Variants in GTF3C4 observed in about 807,000 individuals in gnomAD.
The protein encoded by GTF3C4 is general transcription factor IIIC subunit 4.
In GTF3C4, 28 loss-of-function variants were observed where a neutral mutation model predicts 67.5. That is an observed-to-expected ratio of 0.41 (90% CI 0.31 to 0.57). The LOEUF is 0.57. Ranked by LOEUF, GTF3C4 falls within the 20% of genes least tolerant of loss-of-function variation. The pLI, the probability that GTF3C4 is intolerant of heterozygous loss-of-function variation, is 0.21. For synonymous variants in GTF3C4, 409 were observed against 393.0 expected (o/e 1.04, Z -0.48); for missense variants, 831 against 1,033.2 (o/e 0.80, Z 2.68).
At chr9:132,676,638 A>G (rs1835868935) in intron 1 of GTF3C4, among the ~76,000 whole-genome samples, 1 of 150,054 alleles carries the variant, frequency 6.7e-6, no homozygotes, top group Admixed American at 6.7e-5. Flanking sequence ...ATATTTTTTA[A>G]CTCTTTGTTG....
intron 3 of GTF3C4, among the ~76,000 whole-genome samples, chr9:132,686,404 G>A (rs1212019478): frequency 6.6e-6 from 1 of 150,958 alleles, no homozygotes; most frequent in African/African-American, 2.4e-5. Context: ...CTCAAGGTGT[G>A]CCTGCCTGGA....
Position 132,677,974 on chromosome 9 carries a change from C to T in GTF3C4, c.358-3C>T. On this transcript the variant is annotated splice_region_variant and splice_polypyrimidine_tract_variant and intron_variant, in intron 1 of 4. Coordinates refer to ENST00000372146, the MANE Select transcript of GTF3C4 (RefSeq NM_012204.4). ...TGATAGTTTTTATATCTCTTATTTT[C>T]AGGTTGGCTCAAAAACAGAAGTTGC... The T allele has an allele frequency of 1.3e-6, 2 of 1,583,010 alleles. No individual in the cohort carries two copies. The highest frequency in any genetic ancestry group is 1.7e-6 in the Non-Finnish European group (2 of 1,167,236).
At chr9:132,673,988 G>A (rs185468334) in intron 1 of GTF3C4, among the ~76,000 whole-genome samples, 4 of 152,244 alleles carry the variant, frequency 2.6e-5, no homozygotes, top group South Asian at 4.1e-4. Context: ...TTTGTGTACC[G>A]AATTGTATTG....
Position 132,678,560 on chromosome 9 carries a change from G to A in GTF3C4, c.941G>A (p.Ser314Asn), listed in dbSNP as rs1248189045. 1.1e-5 allele frequency: 18 copies of A among 1,614,068 alleles called. No homozygotes were observed. The highest frequency in any genetic ancestry group is 1.6e-4 in the Middle Eastern group (1 of 6,084). ...NTIESGITSPSVLFWWEYEHN... is the reference protein window; with the variant it reads ...NTIESGITSPNVLFWWEYEHN... ...ATTGAGTCAGGAATCACCTCTCCCA[G>A]TGTATTGTTTTGGTGGGAATATGAG... is the stretch of plus-strand genomic sequence containing the variant. The change falls in exon 2 of 5, where the codon AGT (serine) becomes AAT (asparagine). Residue 314 changes from serine (S) to asparagine (N), a missense_variant. By Grantham distance (46) the Ser-to-Asn change is conservative. Around this residue, in one of 4 missense-constraint regions of GTF3C4, gnomAD observed 390 missense variants for 540.3 expected, o/e 0.72. Transcript: ENST00000372146. This position sits in a 1 kb window ranked among gnomAD's most constrained non-coding sequence, Gnocchi z 6.5.
At chr9:132,671,097 A>C (rs1835734552) in intron 1 of GTF3C4, 142 bp downstream of exon 1, 7 of 662,102 alleles carry the variant, frequency 1.1e-5, no homozygotes, top group South Asian at 1.0e-4. Flanking sequence ...TTAAGCAGCC[A>C]GGGTTACCAC....
rs770436516 is a variant in GTF3C4 at position 132,692,680 on chromosome 9, G to A, written c.*3735G>A. ...ATGCTCTTTCACTGCTCTTCTGTGCGTTGGAGTTTAGCAATTCAGTGAGAC... is the reference window on the plus strand; with the variant it reads ...ATGCTCTTTCACTGCTCTTCTGTGCATTGGAGTTTAGCAATTCAGTGAGAC... On this transcript the variant is annotated 3_prime_UTR_variant, in exon 5 of 5. Transcript: ENST00000372146. 5.3e-5 allele frequency: 8 copies of A among 152,278 alleles called. No individual in the cohort carries two copies. The East Asian group carries it at 7.7e-4, about 15-fold the overall frequency. The allele number at this position is 152,278 out of a possible 1,614,324, so 9.4% of individuals were successfully genotyped here.
rs1317585906 is a variant in GTF3C4 at position 132,694,240 on chromosome 9, G to A, written c.*5295G>A. On this transcript the variant is annotated 3_prime_UTR_variant, in exon 5 of 5. Coordinates refer to ENST00000372146, the MANE Select transcript of GTF3C4 (RefSeq NM_012204.4). ...TTACTAGATTGTAAGCTCCTCAAGG[G>A]CAGGAATTGTTTTATCTTTGTTGTT... is the stretch of plus-strand genomic sequence containing the variant. 3 of 152,156 alleles carry A rather than the reference G, an allele frequency of 2.0e-5. No homozygotes were observed. The allele number at this position is 152,156 out of a possible 1,614,324, so 9.4% of individuals were successfully genotyped here. A position where few individuals can be genotyped will look rare whatever the true frequency, so the allele number is the denominator to read the frequency against.
Position 132,671,691 on chromosome 9 carries a change from T to A in GTF3C4, c.357+736T>A, listed in dbSNP as rs1032151993. Reference sequence around the variant, plus strand: ...GTAAAAACTTTCCATATATCCTTGATAGAGGTGTACGCTTACATGTGAACT... The same window carrying A: ...GTAAAAACTTTCCATATATCCTTGAAAGAGGTGTACGCTTACATGTGAACT... On this transcript the variant is annotated intron_variant, in intron 1 of 4. Transcript: ENST00000372146. Among the ~76,000 whole-genome samples the A allele has an allele frequency of 2.0e-5, 3 of 149,514 alleles. No homozygotes were observed. In the Admixed American group the frequency reaches 2.0e-4, roughly 10 times the overall value.
chr9:132,691,733 C>T lies in GTF3C4; in HGVS notation c.*2788C>T, dbSNP rs1048963317. 2 of 152,176 alleles carry T rather than the reference C, an allele frequency of 1.3e-5. No individual in the cohort carries two copies. The highest frequency in any genetic ancestry group is 2.9e-5 in the Non-Finnish European group (2 of 68,038). The allele number at this position is 152,176 out of a possible 1,614,324, so 9.4% of individuals were successfully genotyped here. A position where few individuals can be genotyped will look rare whatever the true frequency, so the allele number is the denominator to read the frequency against. Reference sequence around the variant, plus strand: ...CTACCTACTATTATATCTGCCAAAACTACCAATTATTTTTCAATGTCAGAA... The same window carrying T: ...CTACCTACTATTATATCTGCCAAAATTACCAATTATTTTTCAATGTCAGAA... On this transcript the variant is annotated 3_prime_UTR_variant, in exon 5 of 5. Transcript: ENST00000372146.
At chr9:132,684,944 G>A (rs1836002649) in intron 3 of GTF3C4, among the ~76,000 whole-genome samples, 1 of 151,972 alleles carries the variant, frequency 6.6e-6, no homozygotes, top group Non-Finnish European at 1.5e-5. Context: ...ATGAGGACAG[G>A]AACTTATGTG....
Position 132,678,737 on chromosome 9 carries a change from G to A in GTF3C4, c.1118G>A (p.Ser373Asn). 6.2e-7 allele frequency: 1 copy of A among 1,614,030 alleles called. No homozygotes were observed. Among genetic ancestry groups the A allele is most frequent in the South Asian group, 1.1e-5 (1 of 91,088 alleles). ...WKEMDQLPVHSIKCVPLYHPY... is the reference protein window; with the variant it reads ...WKEMDQLPVHNIKCVPLYHPY... ...GAAATGGACCAGTTACCTGTGCACA[G>A]TATCAAATGTGTGCCACTTTATCAT... The change falls in exon 2 of 5, where the codon AGT (serine) becomes AAT (asparagine). Residue 373 changes from serine to asparagine, a missense_variant. By Grantham distance (46) the Ser-to-Asn change is conservative. Coordinates refer to ENST00000372146, the MANE Select transcript of GTF3C4 (RefSeq NM_012204.4). This position sits in a 1 kb window ranked among gnomAD's most constrained non-coding sequence, Gnocchi z 6.5.
At chr9:132,677,342 C>T (rs1040234514) in intron 1 of GTF3C4, among the ~76,000 whole-genome samples, 6 of 152,138 alleles carry the variant, frequency 3.9e-5, no homozygotes, top group Non-Finnish European at 7.4e-5. Context: ...GTGGGGTTTG[C>T]GGTGAGCCGA....
chr9:132,679,218 T>G lies in GTF3C4; in HGVS notation c.1599T>G (p.Leu533=), dbSNP rs939710142. 6.2e-7 allele frequency: 1 copy of G among 1,614,126 alleles called. No individual in the cohort carries two copies. The highest frequency in any genetic ancestry group is 8.5e-7 in the Non-Finnish European group (1 of 1,179,992). Residue 533 remains leucine, a synonymous_variant, in exon 2 of 5, where the codon CTT becomes CTG. Transcript: ENST00000372146. This position sits in a 1 kb window ranked among gnomAD's most constrained non-coding sequence, Gnocchi z 5.9. ...AQLLESSVQN[L]FKQVDLIDLV... ...TCCTGGAATCTTCAGTTCAAAACCTTTTTAAGCAGGTAGATTTAATAGACC... is the reference window on the plus strand; with the variant it reads ...TCCTGGAATCTTCAGTTCAAAACCTGTTTAAGCAGGTAGATTTAATAGACC...
chr9:132,687,192 A>C (rs1386192901), intron 3 of GTF3C4, 47 bp from the exon 4 acceptor site: 1 of 988,590 alleles, frequency 1.0e-6, no homozygotes, highest in Non-Finnish European at 1.6e-6. Context: ...TCTGAGTGTT[A>C]GTAGAGCAAA....
chr9:132,692,195 C>G lies in GTF3C4; in HGVS notation c.*3250C>G, dbSNP rs984196028. 1.3e-5 allele frequency: 2 copies of G among 152,194 alleles called. No individual in the cohort carries two copies. The highest frequency in any genetic ancestry group is 3.9e-4 in the East Asian group (2 of 5,184). The allele number at this position is 152,194 out of a possible 1,614,324, so 9.4% of individuals were successfully genotyped here. ...CCCAGACACCCTCTTGGTTTCCATT[C>G]CTTTAGTTCCCTCTGCTTTAGAACA... On this transcript the variant is annotated 3_prime_UTR_variant, in exon 5 of 5. Coordinates refer to ENST00000372146, the MANE Select transcript of GTF3C4 (RefSeq NM_012204.4).
chr9:132,670,085 C>T (rs557467664), upstream of GTF3C4: 143 of 1,560,796 alleles, frequency 9.2e-5, 1 homozygote, highest in East Asian at 6.9e-4. Context: ...CGAGGGGAGC[C>T]GGGGACGGCG....
chr9:132,683,719 T>C (rs751403987), intron 3 of GTF3C4, 26 bp downstream of exon 3: 13 of 1,591,982 alleles, frequency 8.2e-6, no homozygotes, highest in South Asian at 1.1e-5. Context: ...AGTTTCTACT[T>C]CTGCTCATTT....
chr9:132,688,426 A>C (rs908320309), intron 4 of GTF3C4, among the ~76,000 whole-genome samples: 8 of 152,246 alleles, frequency 5.3e-5, no homozygotes, highest in African/African-American at 1.9e-4. Flanking sequence ...TAAGAAGAGC[A>C]CTGGAGTAGA....
rs1001846988 is a variant in GTF3C4, at chr9:132,692,693, A to G, written c.*3748A>G. The G allele has an allele frequency of 2.0e-5, 3 of 152,222 alleles. No homozygotes were observed. The highest frequency in any genetic ancestry group is 6.5e-5 in the Admixed American group (1 of 15,278). 9.4% of individuals were successfully genotyped at this position (152,222 alleles called of 1,614,324 possible). On this transcript the variant is annotated 3_prime_UTR_variant, in exon 5 of 5. Coordinates refer to ENST00000372146, the MANE Select transcript of GTF3C4 (RefSeq NM_012204.4). The stretch of plus-strand genomic sequence containing the variant: ...GCTCTTCTGTGCGTTGGAGTTTAGC[A>G]ATTCAGTGAGACTGGGGAGTGTCTC...
Sources: gnomAD v4.1 joint callset for allele counts (sites outside exome capture counted in the v4.1 genomes callset) on GRCh38, gnomAD v4.1.1 for gene constraint, gnomAD v4.1.1 regional missense constraint, Gnocchi (gnomAD v3.1) non-coding constraint, MANE v1.5 for transcripts, NCBI Gene and HGNC (gene_info 2026-07-23, HGNC 2026-07-21) for gene names.